Variants in PARD3 observed in about 807,000 individuals in gnomAD.
PARD3 encodes par-3 family cell polarity regulator.
In PARD3, 75 loss-of-function variants were observed where a neutral mutation model predicts 155.4. The ratio of observed to expected loss-of-function variants is 0.48; its 90% confidence interval spans 0.40 to 0.58. The LOEUF (loss-of-function observed/expected upper bound fraction) is 0.58, where lower values mean the gene tolerates loss of function less well. Ranked by LOEUF, PARD3 falls within the 20% of genes least tolerant of loss-of-function variation. The pLI is 0.00. For missense variants in PARD3, 1,642 were observed against 1,721.7 expected (o/e 0.95, Z 0.82); for synonymous variants, 576 against 610.5 (o/e 0.94, Z 0.83).
At chr10:34,728,867 T>C (rs935948946) in intron 1 of PARD3, among the ~76,000 whole-genome samples, 8 of 152,236 alleles carry the variant, frequency 5.3e-5, no homozygotes, top group Non-Finnish European at 1.0e-4. Flanking sequence ...ATGTACTGCA[T>C]AACATTTCAG....
intron 19 of PARD3, among the ~76,000 whole-genome samples, chr10:34,329,393 A>G (rs773483049): frequency 1.7e-4 from 26 of 152,326 alleles, no homozygotes; most frequent in Non-Finnish European, 2.9e-4. Context: ...ATTTTTGATT[A>G]AATATACACC....
At chr10:34,351,294 A>C (rs2134403149) in intron 14 of PARD3, among the ~76,000 whole-genome samples, 1 of 152,304 alleles carries the variant, frequency 6.6e-6, no homozygotes, top group South Asian at 2.1e-4. Context: ...TGCCTAGCGT[A>C]GAGCAGGCAC....
At chr10:34,688,838 C>T (rs1030734412) in intron 2 of PARD3, among the ~76,000 whole-genome samples, 1 of 152,118 alleles carries the variant, frequency 6.6e-6, no homozygotes, top group Admixed American at 6.5e-5. Context: ...TAAAATACTG[C>T]CTCTTCCCCT....
intron 14 of PARD3, among the ~76,000 whole-genome samples, chr10:34,351,556 G>A (rs1351322407): frequency 6.6e-6 from 1 of 152,220 alleles, no homozygotes; most frequent in Non-Finnish European, 1.5e-5. Flanking sequence ...AAGATTTAGA[G>A]CACAGTTTCA....
At chr10:34,581,183 C>T (rs1234443849) in intron 2 of PARD3, among the ~76,000 whole-genome samples, 1 of 138,580 alleles carries the variant, frequency 7.2e-6, no homozygotes, top group Non-Finnish European at 1.6e-5. Context: ...ATTTGGGATT[C>T]TTGGGAAATT....
intron 3 of PARD3, among the ~76,000 whole-genome samples, chr10:34,477,090 C>A (rs1035722860): frequency 2.0e-5 from 3 of 152,136 alleles, no homozygotes; most frequent in Non-Finnish European, 2.9e-5. Flanking sequence ...TGATTTGCTA[C>A]GTTTCTGGGG....
intron 15 of PARD3, among the ~76,000 whole-genome samples, chr10:34,342,542 T>TAA (rs1002571136): frequency 1.3e-5 from 2 of 152,170 alleles, no homozygotes; most frequent in Admixed American, 1.3e-4. Context: ...AGGTGAAACT[T>TAA]AAAAGATGAG....
chr10:34,757,974 T>C lies in PARD3; in HGVS notation c.120+56902A>G, dbSNP rs548319460. On this transcript the variant is annotated intron_variant, in intron 1 of 24. Coordinates refer to ENST00000374788, the MANE Select transcript of PARD3 (RefSeq NM_001184785.2). ...TGTAGACATAAAATGTTTGGGCATA[T>C]AATTTAATTTCCTAAACCAGCTTCC... Among the ~76,000 whole-genome samples, 8 of 152,330 alleles carry C rather than the reference T, an allele frequency of 5.3e-5. No homozygotes were observed. In the East Asian group the frequency reaches 1.5e-3, roughly 29 times the overall value.
chr10:34,156,478 A>C (rs1283206234), intron 22 of PARD3, among the ~76,000 whole-genome samples: 1 of 152,232 alleles, frequency 6.6e-6, no homozygotes, highest in Non-Finnish European at 1.5e-5. Context: ...AATGCTCATA[A>C]AGAGACGGCT....
At chr10:34,475,361 T>C (rs1177041988) in intron 3 of PARD3, among the ~76,000 whole-genome samples, 1 of 152,162 alleles carries the variant, frequency 6.6e-6, no homozygotes, top group Non-Finnish European at 1.5e-5. Context: ...AGCTGCCATA[T>C]GAAAAAGTAT....
chr10:34,143,568 C>T (rs1050364479), intron 22 of PARD3, among the ~76,000 whole-genome samples: 5 of 152,232 alleles, frequency 3.3e-5, no homozygotes, highest in Admixed American at 3.3e-4. Flanking sequence ...AATTGCAAAA[C>T]ACTATACGAA....
At chr10:34,369,000 C>G (rs1840285124) in intron 12 of PARD3, among the ~76,000 whole-genome samples, 2 of 150,718 alleles carry the variant, frequency 1.3e-5, no homozygotes, top group African/African-American at 5.0e-5. Flanking sequence ...TTACCTGAAA[C>G]TATATATGTA....
chr10:34,254,538 G>A (rs946609915), intron 22 of PARD3, among the ~76,000 whole-genome samples: 2 of 8,864 alleles, frequency 2.3e-4, no homozygotes, highest in East Asian at 1.5e-3. Context: ...GTAGGTAAAC[G>A]TGTGTGTGTG....
At chr10:34,145,215 ATATATATTTTT>A (rs1286626904) in intron 22 of PARD3, among the ~76,000 whole-genome samples, 1 of 57,610 alleles carries the variant, frequency 1.7e-5, no homozygotes, top group African/African-American at 9.2e-5. Context: ...ATATATATAT[ATATATATTTTT>A]TTTTTTTTTT....
chr10:34,387,580 AGTTT>A (rs915031287), intron 7 of PARD3, among the ~76,000 whole-genome samples: 7 of 152,014 alleles, frequency 4.6e-5, no homozygotes, highest in African/African-American at 1.7e-4. Context: ...ACCCCTGGCT[AGTTT>A]GTTTGTTTGT....
At chr10:34,117,783 C>T (rs747030079) in intron 24 of PARD3, among the ~76,000 whole-genome samples, 4 of 152,138 alleles carry the variant, frequency 2.6e-5, no homozygotes, top group Non-Finnish European at 5.9e-5. Flanking sequence ...AGGTGGCGCA[C>T]GCCTGTAACC....
At chr10:34,662,871 G>GAAAAAA (rs568672135) in intron 2 of PARD3, among the ~76,000 whole-genome samples, 3 of 123,646 alleles carry the variant, frequency 2.4e-5, no homozygotes, top group South Asian at 2.5e-4. Flanking sequence ...AACTGTCTCA[G>GAAAAAA]AAAAAAAAAA....
intron 2 of PARD3, among the ~76,000 whole-genome samples, chr10:34,681,726 T>C (rs1407000959): frequency 1.8e-5 from 2 of 110,190 alleles, no homozygotes; most frequent in African/African-American, 3.5e-5. Flanking sequence ...TTTACGTATG[T>C]ATTTTATATA....
chr10:34,648,640 AGGC>A, intron 2 of PARD3, among the ~76,000 whole-genome samples: 1 of 152,216 alleles, frequency 6.6e-6, no homozygotes, highest in East Asian at 1.9e-4. Flanking sequence ...CTGACCTGAC[AGGC>A]GGCGGAGCTC....
Sources: gnomAD v4.1 joint callset for allele counts (sites outside exome capture counted in the v4.1 genomes callset) on GRCh38, gnomAD v4.1.1 for gene constraint, MANE v1.5 for transcripts, NCBI Gene and HGNC (gene_info 2026-07-23, HGNC 2026-07-21) for gene names.